Variants in COL8A1 observed in about 807,000 individuals in gnomAD.
COL8A1 encodes collagen alpha-1(VIII) chain.
A neutral mutation model predicts 42.7 loss-of-function variants in COL8A1; 21 were observed. That is an observed-to-expected ratio of 0.49 (90% CI 0.35 to 0.71). COL8A1 has a LOEUF of 0.71. COL8A1 is among the 30% of genes least tolerant of loss of function. COL8A1 has a pLI of 0.01. For synonymous variants in COL8A1, 367 were observed against 369.1 expected (o/e 0.99, Z 0.06); for missense variants, 788 against 962.4 (o/e 0.82, Z 2.40).
intron 1 of COL8A1, among the ~76,000 whole-genome samples, chr3:99,664,079 C>A (rs1051866223): frequency 6.6e-6 from 1 of 152,116 alleles, no homozygotes; most frequent in Non-Finnish European, 1.5e-5. Flanking sequence ...ATCCATGGGA[C>A]CAAAGTGGAA....
chr3:99,694,033 G>A (rs1272396425), intron 1 of COL8A1, among the ~76,000 whole-genome samples: 3 of 152,220 alleles, frequency 2.0e-5, no homozygotes, highest in Non-Finnish European at 4.4e-5. Context: ...TGTAGCCTAG[G>A]AGCAACAGGC....
intron 2 of COL8A1, among the ~76,000 whole-genome samples, chr3:99,753,613 A>AT (rs949811562): frequency 3.9e-4 from 59 of 152,306 alleles, no homozygotes; most frequent in African/African-American, 1.3e-3. Flanking sequence ...TCAAGAGACT[A>AT]CAGAATGAAA....
At chr3:99,744,604 T>C (rs1222947450) in intron 1 of COL8A1, among the ~76,000 whole-genome samples, 1 of 152,240 alleles carries the variant, frequency 6.6e-6, no homozygotes, top group African/African-American at 2.4e-5. Context: ...CTTCATAAAT[T>C]TGCATTATCT....
At chr3:99,695,913 C>A (rs1939352802) in intron 1 of COL8A1, among the ~76,000 whole-genome samples, 1 of 152,170 alleles carries the variant, frequency 6.6e-6, no homozygotes. Flanking sequence ...GTGGGCAGAT[C>A]ACTAGAGGTC....
At chr3:99,771,410 C>G (rs962795673) in intron 2 of COL8A1, among the ~76,000 whole-genome samples, 1 of 152,136 alleles carries the variant, frequency 6.6e-6, no homozygotes, top group Non-Finnish European at 1.5e-5. Context: ...TTTAGCATCA[C>G]TAGGTTAAAT....
At position 99,724,259 on chromosome 3, in the gene COL8A1, A is replaced by G. The variant is rs141176096; in HGVS notation, c.-128-20638A>G. Among the ~76,000 whole-genome samples the G allele has an allele frequency of 4.4e-3, 677 of 152,268 alleles. 6 individuals are homozygous for G. The highest frequency in any genetic ancestry group is 0.015 in the African/African-American group (634 of 41,580). ...CATACCAAGGTGATAACTGTCTGTCAGGAGTCATCAGGGCAGTGAGCACTG... is the reference window on the plus strand; with the variant it reads ...CATACCAAGGTGATAACTGTCTGTCGGGAGTCATCAGGGCAGTGAGCACTG... On this transcript the variant is annotated intron_variant, in intron 1 of 3. Coordinates refer to ENST00000652472, the MANE Select transcript of COL8A1 (RefSeq NM_020351.4).
intron 1 of COL8A1, among the ~76,000 whole-genome samples, chr3:99,660,086 C>T (rs1380217820): frequency 6.6e-6 from 1 of 152,196 alleles, no homozygotes; most frequent in East Asian, 1.9e-4. Flanking sequence ...AGTAGAGAAC[C>T]TTAGGAACAG....
At chr3:99,661,007 G>A (rs1304778795) in intron 1 of COL8A1, among the ~76,000 whole-genome samples, 1 of 152,146 alleles carries the variant, frequency 6.6e-6, no homozygotes, top group African/African-American at 2.4e-5. Context: ...GTTGGTAAGA[G>A]GCTAAATTGG....
intron 2 of COL8A1, among the ~76,000 whole-genome samples, chr3:99,753,767 T>TA (rs1941199910): frequency 6.6e-6 from 1 of 152,228 alleles, no homozygotes; most frequent in Admixed American, 6.5e-5. Context: ...ATATAGTACT[T>TA]ACTATGTGCT....
intron 2 of COL8A1, among the ~76,000 whole-genome samples, chr3:99,769,354 CATTGGATTG>C (rs1941533511): frequency 6.6e-6 from 1 of 152,230 alleles, no homozygotes; most frequent in South Asian, 2.1e-4. Flanking sequence ...TTACCAGGGA[CATTGGATTG>C]ACAAGGTTTC....
intron 1 of COL8A1, among the ~76,000 whole-genome samples, chr3:99,656,939 G>A (rs1938041070): frequency 6.6e-6 from 1 of 152,198 alleles, no homozygotes; most frequent in Admixed American, 6.5e-5. Context: ...TGTGTTGTCA[G>A]AACTTTCTTG....
At position 99,746,292 on chromosome 3, in the gene COL8A1, C is replaced by T. The variant is rs376696185; in HGVS notation, c.-4+1271C>T. Among the ~76,000 whole-genome samples the T allele has an allele frequency of 1.6e-4, 25 of 152,180 alleles. 1 individual carries two copies. The East Asian group carries it at 2.1e-3, about 13-fold the overall frequency. On this transcript the variant is annotated intron_variant, in intron 2 of 3. Transcript: ENST00000652472. ...TTCTCCAAATGAAATATTTATAATG[C>T]AAACCCAGGGAATAAAAAAATACAT...
At chr3:99,782,873 G>T (rs1252281616) in intron 2 of COL8A1, among the ~76,000 whole-genome samples, 3 of 152,050 alleles carry the variant, frequency 2.0e-5, no homozygotes, top group Non-Finnish European at 4.4e-5. Context: ...GGTATTTTCT[G>T]CTCTGAAAGC....
chr3:99,765,165 C>G (rs934127876), intron 2 of COL8A1, among the ~76,000 whole-genome samples: 1 of 152,158 alleles, frequency 6.6e-6, no homozygotes, highest in Non-Finnish European at 1.5e-5. Flanking sequence ...TGAAATGGCT[C>G]ACAGAGACAT....
chr3:99,694,960 T>C lies in COL8A1; in HGVS notation c.-128-49937T>C, dbSNP rs1406245936. 1.3e-5 allele frequency among the ~76,000 whole-genome samples: 2 copies of C among 152,198 alleles called. 1 individual carries two copies. The highest frequency in any genetic ancestry group is 4.8e-5 in the African/African-American group (2 of 41,454). On this transcript the variant is annotated intron_variant, in intron 1 of 3. Transcript: ENST00000652472. ...AAAAGACAGATGTTAGGGAATATAA[T>C]TAACATCCTCTGTGAGCAAATATTT...
chr3:99,711,093 T>A (rs755613161), intron 1 of COL8A1, among the ~76,000 whole-genome samples: 1 of 144,498 alleles, frequency 6.9e-6, no homozygotes, highest in African/African-American at 2.7e-5. Flanking sequence ...CAATTTATTG[T>A]GACAATTCCA....
intron 1 of COL8A1, among the ~76,000 whole-genome samples, chr3:99,697,190 T>G (rs894431380): frequency 3.3e-5 from 5 of 151,440 alleles, no homozygotes; most frequent in Non-Finnish European, 5.9e-5. Context: ...GTTTCACCGT[T>G]TTAGCCGGGA....
At chr3:99,781,045 A>G (rs544496553) in intron 2 of COL8A1, among the ~76,000 whole-genome samples, 1 of 152,310 alleles carries the variant, frequency 6.6e-6, no homozygotes, top group South Asian at 2.1e-4. Context: ...CTGACGATTT[A>G]TCACAATTGA....
intron 1 of COL8A1, among the ~76,000 whole-genome samples, chr3:99,660,437 T>C (rs1938169904): frequency 6.6e-6 from 1 of 152,170 alleles, no homozygotes; most frequent in African/African-American, 2.4e-5. Flanking sequence ...ACCAGATCAG[T>C]GGGACATCAT....
Sources: allele counts gnomAD v4.1 joint callset (sites outside exome capture counted in the v4.1 genomes callset), GRCh38; gene constraint gnomAD v4.1.1; transcripts MANE v1.5; gene names NCBI Gene and HGNC (gene_info 2026-07-23, HGNC 2026-07-21).